The following PTPN5 variants were observed in gnomAD, a reference collection of about 807,000 sequenced individuals.
PTPN5 encodes the protein protein tyrosine phosphatase non-receptor type 5.
PTPN5 carries 29 observed loss-of-function variants against 73.9 expected under a neutral mutation model. That is an observed-to-expected ratio of 0.39 (90% CI 0.29 to 0.54). The LOEUF (loss-of-function observed/expected upper bound fraction) is 0.54, where lower values mean the gene tolerates loss of function less well. Ranked by LOEUF, PTPN5 falls within the 20% of genes least tolerant of loss-of-function variation. The pLI is 0.65. For missense variants in PTPN5, 652 were observed against 751.4 expected (o/e 0.87, Z 1.55); for synonymous variants, 267 against 304.7 (o/e 0.88, Z 1.29).
upstream of PTPN5, chr11:18,792,266 C>T (rs1398854816): frequency 1.3e-5 from 2 of 152,426 alleles, no homozygotes; most frequent in African/African-American, 2.4e-5. Flanking sequence ...GGAGTCGGCT[C>T]ATTGGGGGCA....
chr11:18,728,670 C>T lies in PTPN5; in HGVS notation c.*264G>A, dbSNP rs759809601. 5.0e-5 allele frequency: 21 copies of T among 416,350 alleles called. No individual in the cohort carries two copies. Among genetic ancestry groups the T allele is most frequent in the South Asian group, 3.8e-4 (10 of 26,380 alleles). The allele number at this position is 416,350 out of a possible 1,614,324, so 25.8% of individuals were successfully genotyped here. On this transcript the variant is annotated 3_prime_UTR_variant, in exon 15 of 15. Coordinates refer to ENST00000358540, the MANE Select transcript of PTPN5 (RefSeq NM_006906.2). The surrounding 1 kb of genome is among the most constrained non-coding windows in gnomAD (Gnocchi z 4.1). ...GGAACCATCGTTAAAAACTGGAGCC[C>T]GGGGTCTGCGTGGTGTGGGTCAGGC...
Position 18,728,818 on chromosome 11 carries a change from G to A in PTPN5, c.*116C>T. ...CAGGCCAGGCTGACAGAGGACAGAG[G>A]GAGCTGACTGAAGGGGAGGAAGCGG... On this transcript the variant is annotated 3_prime_UTR_variant, in exon 15 of 15. Transcript: ENST00000358540. This position sits in a 1 kb window ranked among gnomAD's most constrained non-coding sequence, Gnocchi z 4.1. The A allele has an allele frequency of 1.1e-6, 1 of 910,184 alleles. No homozygotes were observed. Among genetic ancestry groups the A allele is most frequent in the East Asian group, 2.5e-5 (1 of 39,528 alleles). The allele number at this position is 910,184 out of a possible 1,614,324, so 56.4% of individuals were successfully genotyped here. A position where few individuals can be genotyped will look rare whatever the true frequency, so the allele number is the denominator to read the frequency against.
chr11:18,745,696 T>A (rs983484265), intron 3 of PTPN5, among the ~76,000 whole-genome samples: 12 of 152,290 alleles, frequency 7.9e-5, no homozygotes, highest in African/African-American at 2.2e-4. Context: ...GCAATATGCC[T>A]GGAATGTGCA....
chr11:18,746,196 T>TACA (rs1162694331), intron 3 of PTPN5, among the ~76,000 whole-genome samples: 6 of 80,504 alleles, frequency 7.5e-5, no homozygotes, highest in Admixed American at 2.3e-4. Flanking sequence ...TATATATACA[T>TACA]TTTTTTTTTT....
intron 1 of PTPN5, among the ~76,000 whole-genome samples, chr11:18,789,886 G>A (rs1048241001): frequency 5.9e-5 from 9 of 152,146 alleles, no homozygotes; most frequent in South Asian, 2.1e-4. Flanking sequence ...ACAAATCACC[G>A]TTAAAGAACT....
chr11:18,775,023 C>T (rs1253180414), intron 1 of PTPN5, among the ~76,000 whole-genome samples: 1 of 152,220 alleles, frequency 6.6e-6, no homozygotes, highest in Non-Finnish European at 1.5e-5. Context: ...GCACCCGGAC[C>T]ACACAGGCCA....
In PTPN5 at chr11:18,782,241, T is replaced by C. The variant is rs562551341; in HGVS notation, c.-114+9284A>G. Among the ~76,000 whole-genome samples the C allele has an allele frequency of 3.3e-5, 5 of 152,240 alleles. No individual in the cohort carries two copies. The South Asian group carries it at 6.2e-4, about 19-fold the overall frequency. On this transcript the variant is annotated intron_variant, in intron 1 of 14. Coordinates refer to ENST00000358540, the MANE Select transcript of PTPN5 (RefSeq NM_006906.2). Reference sequence around the variant, plus strand: ...TCTCAAAAACTATGTCTTTTTTTTTTTTTGGAGATGGAGTCTCGTTCTGTC... The same window carrying C: ...TCTCAAAAACTATGTCTTTTTTTTTCTTTGGAGATGGAGTCTCGTTCTGTC...
chr11:18,774,648 G>A (rs1292989222), intron 1 of PTPN5, among the ~76,000 whole-genome samples: 1 of 152,232 alleles, frequency 6.6e-6, no homozygotes, highest in Non-Finnish European at 1.5e-5. Context: ...AAGTAGCAGG[G>A]GCTAGCTGCA....
At chr11:18,764,863 C>T (rs1159912949) in intron 3 of PTPN5, among the ~76,000 whole-genome samples, 1 of 152,130 alleles carries the variant, frequency 6.6e-6, no homozygotes, top group East Asian at 1.9e-4. Context: ...CAGGCGCCCG[C>T]CACCACGCCT....
chr11:18,769,886 C>G (rs534625540), intron 2 of PTPN5, among the ~76,000 whole-genome samples: 1 of 152,086 alleles, frequency 6.6e-6, no homozygotes, highest in African/African-American at 2.4e-5. Context: ...AGCAGAGGCA[C>G]GTGGGCAAGA....
At chr11:18,731,135 T>TAC (rs940164042) in intron 12 of PTPN5, among the ~76,000 whole-genome samples, 5 of 148,806 alleles carry the variant, frequency 3.4e-5, no homozygotes, top group African/African-American at 7.3e-5. Context: ...CATATATATA[T>TAC]ACACACACAC....
At chr11:18,768,660 C>T (rs1392703963) in intron 2 of PTPN5, among the ~76,000 whole-genome samples, 1 of 152,138 alleles carries the variant, frequency 6.6e-6, no homozygotes, top group East Asian at 1.9e-4. Flanking sequence ...ATTTCATAAC[C>T]AGAAAAGCAG....
chr11:18,762,032 G>A (rs948606787), intron 3 of PTPN5, among the ~76,000 whole-genome samples: 6 of 152,346 alleles, frequency 3.9e-5, no homozygotes, highest in South Asian at 2.1e-4. Context: ...AGCACATGTG[G>A]GGGGTGTCCC....
Position 18,776,922 on chromosome 11 carries a change from G to A in PTPN5, c.-113-4851C>T, listed in dbSNP as rs544510014. On this transcript the variant is annotated intron_variant, in intron 1 of 14. Transcript: ENST00000358540. ...CATGCCTGTAATCCCAGAACTTTGG[G>A]AGGCCGAGGTGGGCAGATCACCTGA... Among the ~76,000 whole-genome samples the A allele has an allele frequency of 5.3e-5, 8 of 152,316 alleles. No homozygotes were observed. The South Asian group carries it at 1.7e-3, about 32-fold the overall frequency.
rs370598968 is a variant in PTPN5 at position 18,780,769 on chromosome 11, A to AT, written c.-113-8699dup. ...TTCCCAGGCTGACAAGGGGCAAGGG[A>AT]TAAAACCCCCTCTTTATCCCCCACG... is the stretch of plus-strand genomic sequence containing the variant. On this transcript the variant is annotated intron_variant, in intron 1 of 14. Coordinates refer to ENST00000358540, the MANE Select transcript of PTPN5 (RefSeq NM_006906.2). 7.2e-3 allele frequency among the ~76,000 whole-genome samples: 1,096 copies of AT among 152,286 alleles called. 8 individuals are homozygous for AT. Among genetic ancestry groups the AT allele is most frequent in the African/African-American group, 0.025 (1,022 of 41,548 alleles).
chr11:18,741,331 G>A (rs552192992), intron 7 of PTPN5, among the ~76,000 whole-genome samples: 1 of 152,260 alleles, frequency 6.6e-6, no homozygotes, highest in East Asian at 1.9e-4. Flanking sequence ...GGAGCAGCAC[G>A]GTGGCCGCAA....
At chr11:18,783,701 A>T (rs1014325765) in intron 1 of PTPN5, among the ~76,000 whole-genome samples, 35 of 152,226 alleles carry the variant, frequency 2.3e-4, no homozygotes, top group African/African-American at 8.0e-4. Context: ...GCATCAGTAC[A>T]GACCACTGTT....
chr11:18,748,272 C>T (rs922641629), intron 3 of PTPN5, among the ~76,000 whole-genome samples: 10 of 152,088 alleles, frequency 6.6e-5, no homozygotes, highest in African/African-American at 2.2e-4. Flanking sequence ...GCAGGTCCCT[C>T]GGATAATGTG....
intron 9 of PTPN5, among the ~76,000 whole-genome samples, chr11:18,737,239 CA>C (rs1564890660): frequency 6.6e-6 from 1 of 152,196 alleles, no homozygotes; most frequent in African/African-American, 2.4e-5. Context: ...AGAGGAGCAT[CA>C]GGTCACCTGG....
Sources: gnomAD v4.1 joint callset for allele counts (sites outside exome capture counted in the v4.1 genomes callset) on GRCh38, gnomAD v4.1.1 for gene constraint, Gnocchi (gnomAD v3.1) non-coding constraint, MANE v1.5 for transcripts, NCBI Gene and HGNC (gene_info 2026-07-23, HGNC 2026-07-21) for gene names.